LRP6: variants seen among roughly 807,000 people sequenced by gnomAD.
The protein encoded by LRP6 is low-density lipoprotein receptor-related protein 6.
A neutral mutation model predicts 184.1 loss-of-function variants in LRP6; 43 were observed. That is an observed-to-expected ratio of 0.23 (90% confidence interval 0.18 to 0.30). LRP6 has a LOEUF of 0.30. Ranked by LOEUF, LRP6 falls within the 10% of genes least tolerant of loss-of-function variation. The probability of loss-of-function intolerance (pLI) is 1.00; values close to 1 mark genes in which losing one functional copy is unlikely to be tolerated. For synonymous variants in LRP6, 719 were observed against 684.9 expected, an observed-to-expected ratio of 1.05 and a Z score of -0.78; for missense variants, 1,571 against 2,005.3, an observed-to-expected ratio of 0.78 and a Z score of 4.14.
At chr12:12,193,162 G>A (rs892920766) in intron 3 of LRP6, among the ~76,000 whole-genome samples, 12 of 151,682 alleles carry the variant, frequency 7.9e-5, no homozygotes, top group African/African-American at 1.7e-4. Flanking sequence ...GCAATGAGTC[G>A]AGGAAGAAAT....
chr12:12,175,741 AATAG>A (rs1863165510), intron 7 of LRP6, among the ~76,000 whole-genome samples: 1 of 150,258 alleles, frequency 6.7e-6, no homozygotes, highest in South Asian at 2.1e-4. Context: ...TAAATAAATA[AATAG>A]AAAAAGAAAA....
intron 19 of LRP6, among the ~76,000 whole-genome samples, chr12:12,130,387 T>C (rs1435538378): frequency 6.6e-6 from 1 of 152,110 alleles, no homozygotes; most frequent in African/African-American, 2.4e-5. Flanking sequence ...GGTTTCACCA[T>C]GTTGGCCAGG....
chr12:12,210,309 C>T (rs1241620533), intron 2 of LRP6, among the ~76,000 whole-genome samples: 1 of 152,154 alleles, frequency 6.6e-6, no homozygotes, highest in African/African-American at 2.4e-5. Flanking sequence ...CCAAGATTTA[C>T]AAATGTGAAT....
intron 1 of LRP6, among the ~76,000 whole-genome samples, chr12:12,257,779 CAAAAAAAAAAAA>C (rs1163180718): frequency 0.022 from 766 of 35,346 alleles, 13 homozygotes; most frequent in African/African-American, 0.074. Context: ...CCTGTCTCTA[CAAAAAAAAAAAA>C]AAAAAAAAAA....
intron 7 of LRP6, among the ~76,000 whole-genome samples, chr12:12,174,115 T>A (rs1435700148): frequency 6.6e-6 from 1 of 152,010 alleles, no homozygotes; most frequent in African/African-American, 2.4e-5. Context: ...ATAATCAATC[T>A]TTCTTTTTTT....
chr12:12,166,317 T>C (rs763704625), intron 7 of LRP6, among the ~76,000 whole-genome samples: 2 of 152,156 alleles, frequency 1.3e-5, no homozygotes, highest in Non-Finnish European at 2.9e-5. Flanking sequence ...GCATTTCCAA[T>C]TGCATTTCCA....
chr12:12,145,691 G>A (rs1949997660), intron 15 of LRP6, among the ~76,000 whole-genome samples: 1 of 146,606 alleles, frequency 6.8e-6, no homozygotes, highest in Non-Finnish European at 1.5e-5. Flanking sequence ...GAGTGCAGTG[G>A]CGCCGTCTTG....
intron 1 of LRP6, among the ~76,000 whole-genome samples, chr12:12,265,531 C>G (rs1046500612): frequency 6.6e-6 from 1 of 152,160 alleles, no homozygotes; most frequent in Non-Finnish European, 1.5e-5. Flanking sequence ...GTTTGGAGAA[C>G]TTAACAAAAG....
intron 15 of LRP6, among the ~76,000 whole-genome samples, chr12:12,142,224 GAAAATT>G (rs1355413275): frequency 2.0e-5 from 3 of 152,114 alleles, no homozygotes; most frequent in Non-Finnish European, 2.9e-5. Context: ...TTACTTTAAT[GAAAATT>G]AAAATTAAAC....
intron 2 of LRP6, among the ~76,000 whole-genome samples, chr12:12,229,389 AAGAAG>A (rs1565682241): frequency 1.1e-4 from 5 of 45,116 alleles, no homozygotes; most frequent in Admixed American, 2.5e-4. Flanking sequence ...AAAAAAAAAG[AAGAAG>A]AAGAAGAATA....
At chr12:12,175,338 G>A (rs565339072) in intron 7 of LRP6, among the ~76,000 whole-genome samples, 243 of 152,114 alleles carry the variant, frequency 1.6e-3, no homozygotes, top group Middle Eastern at 3.4e-3. Flanking sequence ...GCTGTGAGCC[G>A]AGATCACGCC....
Position 12,204,300 on chromosome 12 carries a change from GA to G in LRP6, c.450-901del, listed in dbSNP as rs1341119186. Among the ~76,000 whole-genome samples, 269 of 139,636 alleles carry G rather than the reference GA, an allele frequency of 1.9e-3. 2 individuals are homozygous for G. The highest frequency in any genetic ancestry group is 3.8e-3 in the Middle Eastern group (1 of 266). The allele number at this position is 139,636 out of a possible 152,430, so 91.6% of individuals were successfully genotyped here. Reference sequence around the variant, plus strand: ...AAGTCAAAAAAAAAAAAAAAAAAAGGAGGGGGGGGTCAGGAACCAATCTAGA... The same window carrying G: ...AAGTCAAAAAAAAAAAAAAAAAAAGGGGGGGGGGTCAGGAACCAATCTAGA... On this transcript the variant is annotated intron_variant, in intron 2 of 22. Transcript: ENST00000261349.
In LRP6 at chr12:12,120,042, T is replaced by TATATATATATAA. The variant is rs1353537300; in HGVS notation, c.*1083_*1084insTTATATATATAT. ...ATATATATATATATATATATATATA[T>TATATATATATAA]AAATGATTTCGTACTGTGATATATG... On this transcript the variant is annotated 3_prime_UTR_variant, in exon 23 of 23. Coordinates refer to ENST00000261349, the MANE Select transcript of LRP6 (RefSeq NM_002336.3). The TATATATATATAA allele has an allele frequency of 9.0e-6, 1 of 110,876 alleles. No individual in the cohort carries two copies. The highest frequency in any genetic ancestry group is 3.5e-5 in the African/African-American group (1 of 28,276). The allele number at this position is 110,876 out of a possible 1,614,324, so 6.9% of individuals were successfully genotyped here. A position where few individuals can be genotyped will look rare whatever the true frequency, so the allele number is the denominator to read the frequency against.
chr12:12,199,530 C>T (rs1376729217), intron 3 of LRP6, among the ~76,000 whole-genome samples: 1 of 152,128 alleles, frequency 6.6e-6, no homozygotes, highest in Non-Finnish European at 1.5e-5. Flanking sequence ...TTACAGAGAT[C>T]CAAACATAAG....
intron 7 of LRP6, among the ~76,000 whole-genome samples, chr12:12,178,066 A>C (rs1161634931): frequency 6.6e-6 from 1 of 152,176 alleles, no homozygotes; most frequent in East Asian, 1.9e-4. Context: ...CATAACAAAG[A>C]GGCCAGAAAA....
At chr12:12,154,092 C>T (rs1362849146) in intron 12 of LRP6, among the ~76,000 whole-genome samples, 1 of 152,182 alleles carries the variant, frequency 6.6e-6, no homozygotes, top group Non-Finnish European at 1.5e-5. Flanking sequence ...GAGGCCACTT[C>T]AGTACTGAAT....
In LRP6 at chr12:12,148,043, TATAA is replaced by T. The variant is rs1209019228; in HGVS notation, c.3207-491_3207-488del. Among the ~76,000 whole-genome samples, 8 of 149,992 alleles carry T rather than the reference TATAA, an allele frequency of 5.3e-5. No homozygotes were observed. In the South Asian group the frequency reaches 1.0e-3, roughly 20 times the overall value. On this transcript the variant is annotated intron_variant, in intron 14 of 22. Transcript: ENST00000261349. ...GTATATATATATAAATCCTCTTTTA[TATAA>T]ATAAATGTGTATAGATAAAAATCCT...
chr12:12,233,994 A>G (rs1864863382), intron 2 of LRP6, among the ~76,000 whole-genome samples: 1 of 152,196 alleles, frequency 6.6e-6, no homozygotes, highest in Non-Finnish European at 1.5e-5. Context: ...ATGACATTCA[A>G]AATGTTAAGT....
rs762951937 is a variant in LRP6 at position 12,135,132 on chromosome 12, T to C, written c.3733+43A>G. 6 of 1,612,856 alleles carry C rather than the reference T, an allele frequency of 3.7e-6. No homozygotes were observed. The East Asian group carries it at 6.7e-5, about 18-fold the overall frequency. ...AAGTCTAGGCTTAAGATATGGAATA[T>C]GTTTGCATTTAGGGTTGCACAAGAA... is the stretch of plus-strand genomic sequence containing the variant. On this transcript the variant is annotated intron_variant, in intron 17 of 22. Transcript: ENST00000261349.
Sources: gnomAD v4.1 joint callset for allele counts (sites outside exome capture counted in the v4.1 genomes callset) on GRCh38, gnomAD v4.1.1 for gene constraint, MANE v1.5 for transcripts, NCBI Gene and HGNC (gene_info 2026-07-23, HGNC 2026-07-21) for gene names.